Variants in EFHC1 observed in about 807,000 individuals in gnomAD.
The protein encoded by EFHC1 is EF-hand domain containing 1.
A neutral mutation model predicts 69.9 loss-of-function variants in EFHC1; 53 were observed. The observed-to-expected ratio is 0.76, with a 90% CI of 0.61 to 0.95. EFHC1 has a LOEUF of 0.95. Ranked by LOEUF, EFHC1 falls within the 40% of genes least tolerant of loss-of-function variation. The pLI is 0.00. For missense variants in EFHC1, 739 were observed against 798.7 expected, an observed-to-expected ratio of 0.93 and a Z score of 0.90; for synonymous variants, 256 against 278.4, an observed-to-expected ratio of 0.92 and a Z score of 0.80.
intron 3 of EFHC1, among the ~76,000 whole-genome samples, chr6:52,446,918 G>T (rs1764799979): frequency 6.6e-6 from 1 of 152,162 alleles, no homozygotes. Context: ...TAGAGTTTCT[G>T]CCGAGAGATC....
chr6:52,433,207 T>G (rs1764452909), intron 2 of EFHC1, among the ~76,000 whole-genome samples: 1 of 152,150 alleles, frequency 6.6e-6, no homozygotes, highest in South Asian at 2.1e-4. Context: ...GGTTTCAATC[T>G]ATTGCTGGTG....
Position 52,420,346 on chromosome 6 carries a change from C to G in EFHC1, c.-65C>G. 6.2e-7 allele frequency: 1 copy of G among 1,607,334 alleles called. No individual in the cohort carries two copies. Among genetic ancestry groups the G allele is most frequent in the Non-Finnish European group, 8.5e-7 (1 of 1,173,858 alleles). ...ATCCTGGAGGTGCCCGCGAACACTGCTTGTCGCCTGGGCAACCGGAGAGGA... is the reference window on the plus strand; with the variant it reads ...ATCCTGGAGGTGCCCGCGAACACTGGTTGTCGCCTGGGCAACCGGAGAGGA... On this transcript the variant is annotated 5_prime_UTR_variant, in exon 1 of 11. Coordinates refer to ENST00000371068, the MANE Select transcript of EFHC1 (RefSeq NM_018100.4).
At position 52,490,154 on chromosome 6, in the gene EFHC1, A is replaced by AG. The variant is rs769824283; in HGVS notation, c.1657dup (p.Asp553GlyfsTer29). The AG allele has an allele frequency of 2.5e-6, 4 of 1,613,922 alleles. No individual in the cohort carries two copies. In the East Asian group the frequency reaches 8.9e-5, roughly 36 times the overall value. ...TTTCTCTACAGCAAGCAAACTGAAA[A>AG]GGATCCAGGCGTGCAGGAATTGGAA... On this transcript the variant is annotated frameshift_variant, in exon 10 of 11. Coordinates refer to ENST00000371068, the MANE Select transcript of EFHC1 (RefSeq NM_018100.4). LOFTEE classifies it high-confidence loss of function.
At chr6:52,441,035 C>G (rs1159442959) in intron 3 of EFHC1, among the ~76,000 whole-genome samples, 1 of 151,812 alleles carries the variant, frequency 6.6e-6, no homozygotes, top group African/African-American at 2.4e-5. Flanking sequence ...GCATATTGGA[C>G]CTTTGTCAGA....
intron 3 of EFHC1, among the ~76,000 whole-genome samples, chr6:52,445,238 C>T (rs562025963): frequency 3.3e-5 from 5 of 150,244 alleles, no homozygotes; most frequent in Admixed American, 3.3e-4. Flanking sequence ...TTGATCTTTT[C>T]AAAAAACCAG....
chr6:52,465,667 T>A (rs1328233486), intron 6 of EFHC1, among the ~76,000 whole-genome samples: 1 of 150,964 alleles, frequency 6.6e-6, no homozygotes, highest in Admixed American at 6.6e-5. Flanking sequence ...ATTAGCCGAG[T>A]GTAGTGGTGC....
In EFHC1 at chr6:52,493,993, G is replaced by A. The variant is rs1370631339; in HGVS notation, c.*1652G>A. 4.4e-6 allele frequency: 2 copies of A among 453,956 alleles called. No individual in the cohort carries two copies. The highest frequency in any genetic ancestry group is 8.8e-6 in the Non-Finnish European group (2 of 226,800). 28.1% of individuals were successfully genotyped at this position (453,956 alleles called of 1,614,324 possible). ...ATTGAAAGGGCTGTGAATGTATTAT[G>A]TTGATTCCTTTTCTGTTCCAGGTTA... On this transcript the variant is annotated 3_prime_UTR_variant, in exon 11 of 11. Coordinates refer to ENST00000371068, the MANE Select transcript of EFHC1 (RefSeq NM_018100.4).
chr6:52,487,328 C>A (rs563619626), intron 9 of EFHC1: 5 of 152,320 alleles, frequency 3.3e-5, no homozygotes, highest in African/African-American at 1.2e-4. Context: ...TTCAAAGTTT[C>A]TGGTAGTCCT....
At chr6:52,479,389 A>G (rs1213714340) in intron 8 of EFHC1, 139 bp downstream of exon 8, 1 of 1,066,968 alleles carries the variant, frequency 9.4e-7, no homozygotes, top group Non-Finnish European at 1.4e-6. Context: ...TATATATGGT[A>G]TAATGTGTTA....
chr6:52,438,840 G>A (rs1764595845), intron 3 of EFHC1, among the ~76,000 whole-genome samples: 1 of 152,100 alleles, frequency 6.6e-6, no homozygotes, highest in Admixed American at 6.6e-5. Context: ...TGAATAATTT[G>A]GTAAGAAACC....
At chr6:52,424,236 A>G in intron 2 of EFHC1, 69 bp downstream of exon 2, 2 of 1,421,870 alleles carry the variant, frequency 1.4e-6, no homozygotes, top group African/African-American at 2.8e-5. Flanking sequence ...AAAAAAGTTA[A>G]AACAGTAAAC....
chr6:52,485,142 C>T (rs1161950093), intron 9 of EFHC1: 4 of 151,874 alleles, frequency 2.6e-5, no homozygotes, highest in African/African-American at 4.8e-5. Context: ...GTTGAACGGA[C>T]TAGAGAAGCG....
At position 52,424,002 on chromosome 6, in the gene EFHC1, T is replaced by C; in HGVS notation, c.120T>C (p.Val40=). 1.2e-6 allele frequency: 2 copies of C among 1,614,202 alleles called. No individual in the cohort carries two copies. Among genetic ancestry groups the C allele is most frequent in the Non-Finnish European group, 1.7e-6 (2 of 1,180,046 alleles). The change falls in exon 2 of 11, where the codon GTT becomes GTC. Residue 40 remains valine (V), a synonymous_variant. Coordinates refer to ENST00000371068, the MANE Select transcript of EFHC1 (RefSeq NM_018100.4). ...TLSYRNGYAI[V]RRPTVGIGGD... is the part of the protein sequence containing the mutation. The stretch of plus-strand genomic sequence containing the variant: ...GCTACAGGAACGGCTATGCAATTGT[T>C]CGACGTCCAACAGTTGGGATAGGCG...
At chr6:52,483,653 T>C (rs1343670844) in intron 9 of EFHC1, 2 of 152,206 alleles carry the variant, frequency 1.3e-5, no homozygotes, top group East Asian at 1.9e-4. Flanking sequence ...TAAACTGATA[T>C]GGCGCACTGG....
rs140385002 is a variant in EFHC1 at position 52,438,715 on chromosome 6, A to T, written c.573+124A>T. Reference sequence around the variant, plus strand: ...ATCTGTCCTGCATGAATTATTATGAATGGCTAGGTATTTGCATGTGTGTAT... The same window carrying T: ...ATCTGTCCTGCATGAATTATTATGATTGGCTAGGTATTTGCATGTGTGTAT... On this transcript the variant is annotated intron_variant, in intron 3 of 10. Transcript: ENST00000371068. 1.4e-3 allele frequency: 1,434 copies of T among 1,039,712 alleles called. 13 individuals carry two copies. In the African/African-American group the frequency reaches 0.019, roughly 14 times the overall value. 64.4% of individuals were successfully genotyped at this position (1,039,712 alleles called of 1,614,324 possible). A position where few individuals can be genotyped will look rare whatever the true frequency, so the allele number is the denominator to read the frequency against.
At chr6:52,470,785 A>G (rs1765419890) in intron 7 of EFHC1, among the ~76,000 whole-genome samples, 3 of 152,230 alleles carry the variant, frequency 2.0e-5, no homozygotes, top group Admixed American at 1.3e-4. Flanking sequence ...GGAAAAATTA[A>G]TACAAAGTTG....
chr6:52,485,949 C>T (rs1441939507), intron 9 of EFHC1: 2 of 152,232 alleles, frequency 1.3e-5, no homozygotes, highest in South Asian at 2.1e-4. Flanking sequence ...CACCCCCGCC[C>T]TTCTTCTCTT....
intron 1 of EFHC1, chr6:52,423,568 C>T (rs1011854006): frequency 4.3e-6 from 2 of 460,648 alleles, no homozygotes; most frequent in Non-Finnish European, 7.6e-6. Flanking sequence ...GTGGTTCAAT[C>T]ATAGCTTATT....
Position 52,494,431 on chromosome 6 carries a change from G to C in EFHC1, c.*2090G>C, listed in dbSNP as rs1765994482. ...TTTGTTCCTATTCAGCCATGCTGCT[G>C]TTTCTAGCCCATGTAGGCTCTGGGA... On this transcript the variant is annotated 3_prime_UTR_variant, in exon 11 of 11. Transcript: ENST00000371068. 2.2e-6 allele frequency: 1 copy of C among 454,108 alleles called. No individual in the cohort carries two copies. The highest frequency in any genetic ancestry group is 4.4e-6 in the Non-Finnish European group (1 of 226,800). The allele number at this position is 454,108 out of a possible 1,614,324, so 28.1% of individuals were successfully genotyped here.
Sources: allele counts gnomAD v4.1 joint callset (sites outside exome capture counted in the v4.1 genomes callset), GRCh38; gene constraint gnomAD v4.1.1; transcripts MANE v1.5; gene names NCBI Gene and HGNC (gene_info 2026-07-23, HGNC 2026-07-21).